ZCCHC4: variants seen among roughly 807,000 people sequenced by gnomAD.
The protein encoded by ZCCHC4 is zinc finger CCHC-type containing 4.
In ZCCHC4, 54 loss-of-function variants were observed where a neutral mutation model predicts 67.7. That is an observed-to-expected ratio of 0.80 (90% confidence interval 0.64 to 1.00). The LOEUF (loss-of-function observed/expected upper bound fraction) is 1.00. ZCCHC4 is among the 50% of genes least tolerant of loss of function. ZCCHC4 has a pLI of 0.00. For missense variants in ZCCHC4, 609 were observed against 617.0 expected, an observed-to-expected ratio of 0.99 and a Z score of 0.14; for synonymous variants, 198 against 213.5, an observed-to-expected ratio of 0.93 and a Z score of 0.63.
chr4:25,362,098 G>T (rs1483389267), intron 9 of ZCCHC4, 118 bp downstream of exon 9: 4 of 1,457,502 alleles, frequency 2.7e-6, no homozygotes, highest in East Asian at 4.7e-5. Context: ...TTTAAATTAG[G>T]TCCATAATTT....
At chr4:25,331,271 CTG>C (rs1215487748) in intron 3 of ZCCHC4, among the ~76,000 whole-genome samples, 1 of 152,218 alleles carries the variant, frequency 6.6e-6, no homozygotes, top group Non-Finnish European at 1.5e-5. Flanking sequence ...AATCTGGTCT[CTG>C]TTACTCCATC....
At chr4:25,347,392 A>G (rs1326372172) in intron 6 of ZCCHC4, among the ~76,000 whole-genome samples, 1 of 152,226 alleles carries the variant, frequency 6.6e-6, no homozygotes, top group African/African-American at 2.4e-5. Context: ...AGTTTCTACA[A>G]TAATGGTTGG....
At chr4:25,333,843 T>G in intron 4 of ZCCHC4, 65 bp from the exon 5 acceptor site, 1 of 1,099,518 alleles carries the variant, frequency 9.1e-7, no homozygotes, top group East Asian at 2.5e-5. Context: ...GTTTTGTTGT[T>G]TGTTTGTTTA....
chr4:25,326,595 A>C (rs762697976), intron 3 of ZCCHC4, among the ~76,000 whole-genome samples: 4 of 152,026 alleles, frequency 2.6e-5, no homozygotes, highest in Middle Eastern at 3.2e-3. Context: ...GATTACTGTG[A>C]CTTTATAATG....
At position 25,312,895 on chromosome 4, in the gene ZCCHC4, T is replaced by TGTG. The variant is rs1477308034; in HGVS notation, c.86_87insGTG (p.Leu29_Pro30insCys). The TGTG allele has an allele frequency of 6.2e-6, 10 of 1,612,912 alleles. No homozygotes were observed. The highest frequency in any genetic ancestry group is 7.6e-6 in the Non-Finnish European group (9 of 1,179,986). ...GGAAGCTCGGGAATGGAGGTGGTGCTTCCTTTGGATCCTGCCGTCCCCGCC... is the reference window on the plus strand; with the variant it reads ...GGAAGCTCGGGAATGGAGGTGGTGCTGTGTCCTTTGGATCCTGCCGTCCCCGCC... On this transcript the variant is annotated inframe_insertion, in exon 1 of 13. Transcript: ENST00000302874.
At chr4:25,314,622 G>A (rs1718153833) in intron 2 of ZCCHC4, among the ~76,000 whole-genome samples, 2 of 152,150 alleles carry the variant, frequency 1.3e-5, no homozygotes, top group South Asian at 4.1e-4. Context: ...GAGAGAGGAA[G>A]CAAGCACTGT....
At chr4:25,348,301 G>T (rs1035402109) in intron 6 of ZCCHC4, among the ~76,000 whole-genome samples, 1 of 152,092 alleles carries the variant, frequency 6.6e-6, no homozygotes, top group Non-Finnish European at 1.5e-5. Context: ...TTGATTTCGC[G>T]GTAGAACAAA....
At position 25,361,885 on chromosome 4, in the gene ZCCHC4, TAA is replaced by T; in HGVS notation, c.1040_1041del (p.Lys347ThrfsTer27). 6.2e-7 allele frequency: 1 copy of T among 1,613,328 alleles called. No homozygotes were observed. Among genetic ancestry groups the T allele is most frequent in the Non-Finnish European group, 8.5e-7 (1 of 1,179,654 alleles). On this transcript the variant is annotated frameshift_variant, in exon 9 of 13. Transcript: ENST00000302874. LOFTEE classifies it high-confidence loss of function. ...TAGATTATGATAATCATGCACTTTA[TAA>T]ACACGGAAAGACAGGTCGAAAACAG... ...QVDYDNHALY[K>X]HGKTGRKQSP...
chr4:25,334,360 T>C (rs1719346475), intron 5 of ZCCHC4, among the ~76,000 whole-genome samples: 1 of 152,242 alleles, frequency 6.6e-6, no homozygotes, highest in Non-Finnish European at 1.5e-5. Flanking sequence ...ATTAGATCTT[T>C]GAAGTGTGAG....
Position 25,362,289 on chromosome 4 carries a change from T to C in ZCCHC4, c.1197T>C (p.Ser399=). Residue 399 remains serine, a synonymous_variant, in exon 10 of 13, where the codon TCT becomes TCC. Coordinates refer to ENST00000302874, the MANE Select transcript of ZCCHC4 (RefSeq NM_024936.3). ...LENQHCELCN[S]CTSKDGRKWN... Reference sequence around the variant, plus strand: ...ATCAACACTGTGAGCTCTGTAATTCTTGCACATCCAAGGTATGGTGTTCTT... The same window carrying C: ...ATCAACACTGTGAGCTCTGTAATTCCTGCACATCCAAGGTATGGTGTTCTT... 6.2e-7 allele frequency: 1 copy of C among 1,601,492 alleles called. No homozygotes were observed. The highest frequency in any genetic ancestry group is 1.7e-5 in the Admixed American group (1 of 59,308).
Position 25,314,691 on chromosome 4 carries a change from C to T in ZCCHC4, c.246+527C>T, listed in dbSNP as rs76414338. Among the ~76,000 whole-genome samples the T allele has an allele frequency of 8.5e-3, 1,295 of 152,274 alleles. 13 individuals are homozygous for T. Among genetic ancestry groups the T allele is most frequent in the African/African-American group, 0.029 (1,191 of 41,550 alleles). On this transcript the variant is annotated intron_variant, in intron 2 of 12. Transcript: ENST00000302874. ...GGCTCTACCCTCTTGACGTAATTACCTCTCAAAGGCGCCTCATTTAAATAC... is the reference window on the plus strand; with the variant it reads ...GGCTCTACCCTCTTGACGTAATTACTTCTCAAAGGCGCCTCATTTAAATAC...
intron 5 of ZCCHC4, among the ~76,000 whole-genome samples, chr4:25,342,830 G>A (rs1719819409): frequency 1.3e-5 from 2 of 152,166 alleles, no homozygotes; most frequent in Admixed American, 1.3e-4. Flanking sequence ...TTATGTATTT[G>A]ATGGAAACTT....
At chr4:25,344,847 G>A (rs1284183247) in intron 5 of ZCCHC4, among the ~76,000 whole-genome samples, 2 of 149,280 alleles carry the variant, frequency 1.3e-5, no homozygotes, top group East Asian at 2.0e-4. Context: ...ATAGCGTCCC[G>A]GCTGGAGTAT....
chr4:25,368,241 G>T (rs1577357208), intron 12 of ZCCHC4, among the ~76,000 whole-genome samples: 1 of 152,298 alleles, frequency 6.6e-6, no homozygotes, highest in East Asian at 1.9e-4. Flanking sequence ...AGGAGTCCTG[G>T]TTTGGCATTG....
chr4:25,364,834 A>G (rs1331122960), intron 11 of ZCCHC4, among the ~76,000 whole-genome samples, 188 bp from the exon 12 acceptor site: 6 of 152,200 alleles, frequency 3.9e-5, no homozygotes, highest in Admixed American at 3.3e-4. Context: ...TGTAACAGAA[A>G]GAAGTTAGCT....
At chr4:25,348,635 A>G (rs1253181297) in intron 6 of ZCCHC4, among the ~76,000 whole-genome samples, 2 of 152,208 alleles carry the variant, frequency 1.3e-5, no homozygotes, top group Non-Finnish European at 2.9e-5. Context: ...TTTAAACTAT[A>G]TAGGAGGATG....
intron 5 of ZCCHC4, among the ~76,000 whole-genome samples, chr4:25,340,337 A>G (rs1217959611): frequency 6.6e-6 from 1 of 152,178 alleles, no homozygotes; most frequent in African/African-American, 2.4e-5. Flanking sequence ...TGGACTTTAA[A>G]TTCTGTTCCA....
In ZCCHC4 at chr4:25,359,305, A is replaced by T. The variant is rs1482944120; in HGVS notation, c.1012-2554A>T. 6.6e-6 allele frequency among the ~76,000 whole-genome samples: 1 copy of T among 152,184 alleles called. No individual in the cohort carries two copies. The stretch of plus-strand genomic sequence containing the variant: ...CCAGTCCCTGAGGGATGCAGTACAG[A>T]TAAGGGCCCACCAGGTACAGATGGG... On this transcript the variant is annotated intron_variant, in intron 8 of 12. Transcript: ENST00000302874. The surrounding 1 kb of genome is among the most constrained non-coding windows in gnomAD (Gnocchi z 4.9).
At chr4:25,318,349 CTTTTTTTTTT>C (rs528144406) in intron 3 of ZCCHC4, among the ~76,000 whole-genome samples, 2 of 45,508 alleles carry the variant, frequency 4.4e-5, no homozygotes, top group Non-Finnish European at 7.1e-5. Context: ...CACTCTCTCT[CTTTTTTTTTT>C]TTTTTTTTTT....
Sources: allele counts gnomAD v4.1 joint callset (sites outside exome capture counted in the v4.1 genomes callset), GRCh38; gene constraint gnomAD v4.1.1; non-coding constraint Gnocchi (gnomAD v3.1); transcripts MANE v1.5; gene names NCBI Gene and HGNC (gene_info 2026-07-23, HGNC 2026-07-21).